The following DOCK9 variants were observed in gnomAD, a reference collection of about 807,000 sequenced individuals.
DOCK9 encodes the protein dedicator of cytokinesis protein 9.
Under a neutral mutation model 263.3 loss-of-function variants are expected in DOCK9, and 89 were observed. The observed-to-expected ratio is 0.34, with a 90% CI of 0.28 to 0.40. The LOEUF is 0.40. DOCK9 is among the 10% of genes least tolerant of loss of function. The probability of loss-of-function intolerance (pLI) is 1.00; values close to 1 mark genes in which losing one functional copy is unlikely to be tolerated. For missense variants in DOCK9, 2,140 were observed against 2,603.4 expected, an observed-to-expected ratio of 0.82 and a Z score of 3.87; for synonymous variants, 976 against 973.1, an observed-to-expected ratio of 1.00 and a Z score of -0.06.
intron 18 of DOCK9, among the ~76,000 whole-genome samples, chr13:98,887,139 A>AT (rs1594981810): frequency 3.9e-4 from 19 of 48,734 alleles, no homozygotes; most frequent in East Asian, 1.7e-3. Flanking sequence ...ATATATATAT[A>AT]TATATTTTTT....
intron 1 of DOCK9, among the ~76,000 whole-genome samples, chr13:99,038,930 A>G (rs989733001): frequency 6.6e-6 from 1 of 152,252 alleles, no homozygotes; most frequent in East Asian, 1.9e-4. Flanking sequence ...GAAGCTATGC[A>G]TGTTTGCTGC....
upstream of DOCK9, chr13:99,086,752 G>C (rs2042356283): frequency 6.8e-6 from 1 of 147,498 alleles, no homozygotes; most frequent in Non-Finnish European, 1.5e-5. Context: ...GGCCGCCGCG[G>C]CGGGACGGCG....
intron 1 of DOCK9, among the ~76,000 whole-genome samples, chr13:99,084,985 G>GT (rs1311189116): frequency 6.6e-6 from 1 of 152,170 alleles, no homozygotes; most frequent in Non-Finnish European, 1.5e-5. Context: ...TTAAATCCTT[G>GT]TTTACTATGG....
chr13:99,002,974 G>A (rs9557116), intron 1 of DOCK9, among the ~76,000 whole-genome samples: 31,953 of 136,796 alleles, frequency 0.23, 3,918 homozygotes, highest in East Asian at 0.46. Flanking sequence ...ACATGGAAAC[G>A]GCATGATAAC....
At chr13:99,009,323 T>C (rs9517540) in intron 1 of DOCK9, among the ~76,000 whole-genome samples, 13 of 152,128 alleles carry the variant, frequency 8.5e-5, no homozygotes, top group African/African-American at 2.9e-4. Context: ...TAGTTTACTG[T>C]TGTGATCAAA....
chr13:98,849,902 G>C, intron 36 of DOCK9, 145 bp downstream of exon 36: 1 of 606,718 alleles, frequency 1.6e-6, no homozygotes, highest in Non-Finnish European at 2.9e-6. Context: ...ATATGTTTTA[G>C]GGCCAAGACC....
chr13:98,985,580 T>G (rs1276899421), intron 1 of DOCK9, among the ~76,000 whole-genome samples: 1 of 152,234 alleles, frequency 6.6e-6, no homozygotes, highest in Admixed American at 6.5e-5. Context: ...ACCAACGGTT[T>G]TTCTGTAAAC....
chr13:99,043,303 A>G (rs975389015), intron 1 of DOCK9, among the ~76,000 whole-genome samples: 2 of 152,208 alleles, frequency 1.3e-5, no homozygotes, highest in African/African-American at 4.8e-5. Context: ...TCAGAAATCA[A>G]ACTTCTCTTC....
intron 15 of DOCK9, among the ~76,000 whole-genome samples, chr13:98,895,437 C>T (rs544215340): frequency 5.3e-5 from 8 of 152,220 alleles, no homozygotes; most frequent in Admixed American, 1.3e-4. Context: ...GAGGCTGAGG[C>T]GGGCAGATCA....
intron 2 of DOCK9, among the ~76,000 whole-genome samples, chr13:98,946,922 T>C (rs139850975): frequency 9.2e-5 from 14 of 152,334 alleles, no homozygotes; most frequent in African/African-American, 3.4e-4. Context: ...TCCTAACTTC[T>C]GTCTCTGCTT....
chr13:98,949,714 T>C (rs2057177974), intron 2 of DOCK9: 2 of 279,092 alleles, frequency 7.2e-6, no homozygotes, highest in Non-Finnish European at 1.4e-5. Flanking sequence ...TCAGATATTC[T>C]GGGTTGGGTT....
intron 1 of DOCK9, among the ~76,000 whole-genome samples, chr13:98,969,715 G>A (rs1301048614): frequency 2.0e-5 from 3 of 152,198 alleles, no homozygotes; most frequent in Non-Finnish European, 4.4e-5. Flanking sequence ...CATGTGAACT[G>A]GGGCTTGAAG....
chr13:99,068,385 C>A (rs1205173639), intron 1 of DOCK9, among the ~76,000 whole-genome samples: 2 of 152,328 alleles, frequency 1.3e-5, no homozygotes, highest in East Asian at 3.9e-4. Flanking sequence ...AAGTTTGAAA[C>A]CAGCCTGGCC....
chr13:98,969,518 C>A (rs905991222), intron 1 of DOCK9, among the ~76,000 whole-genome samples: 20 of 151,522 alleles, frequency 1.3e-4, no homozygotes, highest in African/African-American at 4.9e-4. Context: ...GAAAACAAAA[C>A]CACTCGGGTG....
intron 1 of DOCK9, chr13:99,086,214 C>T (rs1385095175): frequency 2.0e-6 from 3 of 1,498,058 alleles, no homozygotes; most frequent in Non-Finnish European, 2.7e-6. Flanking sequence ...GCGGTCGTCC[C>T]GCACTCACCA....
At chr13:98,930,836 G>GT (rs2053800817) in intron 2 of DOCK9, among the ~76,000 whole-genome samples, 2 of 152,246 alleles carry the variant, frequency 1.3e-5, no homozygotes. Context: ...TAGAGACGGG[G>GT]TTTCTCCATG....
At chr13:98,969,587 A>C (rs144280714) in intron 1 of DOCK9, among the ~76,000 whole-genome samples, 6 of 152,348 alleles carry the variant, frequency 3.9e-5, no homozygotes, top group Non-Finnish European at 7.3e-5. Context: ...CCTTCACTAC[A>C]ATAAAGCGGG....
At chr13:99,075,933 T>C (rs1392702369) in intron 1 of DOCK9, among the ~76,000 whole-genome samples, 1 of 152,154 alleles carries the variant, frequency 6.6e-6, no homozygotes, top group Non-Finnish European at 1.5e-5. Context: ...AAGTCTCTAC[T>C]ACAGGCCCTG....
At chr13:98,862,580 T>G (rs772667755) in intron 32 of DOCK9, among the ~76,000 whole-genome samples, 2 of 151,572 alleles carry the variant, frequency 1.3e-5, no homozygotes, top group African/African-American at 4.9e-5. Context: ...TCCCAGCTAG[T>G]TGGGAGGCTC....
Sources: allele counts gnomAD v4.1 joint callset (sites outside exome capture counted in the v4.1 genomes callset), GRCh38; gene constraint gnomAD v4.1.1; transcripts MANE v1.5; gene names NCBI Gene and HGNC (gene_info 2026-07-23, HGNC 2026-07-21).